The following TTF2 variants were observed in gnomAD, a reference collection of about 807,000 sequenced individuals.
TTF2 encodes the protein transcription termination factor 2.
In TTF2, 108 loss-of-function variants were observed where a neutral mutation model predicts 142.4. That is an observed-to-expected ratio of 0.76 (90% CI 0.65 to 0.89). The LOEUF (loss-of-function observed/expected upper bound fraction) is 0.89, where lower values mean the gene tolerates loss of function less well. Ranked by LOEUF, TTF2 falls within the 40% of genes least tolerant of loss-of-function variation. The pLI is 0.00. For synonymous variants in TTF2, 483 were observed against 506.2 expected, an observed-to-expected ratio of 0.95 and a Z score of 0.61; for missense variants, 1,327 against 1,379.8, an observed-to-expected ratio of 0.96 and a Z score of 0.61.
At position 117,102,555 on chromosome 1, in the gene TTF2, TG is replaced by T. The variant is rs1173178028; in HGVS notation, c.*1033del. On this transcript the variant is annotated 3_prime_UTR_variant, in exon 23 of 23. Transcript: ENST00000369466. ...CATACAGTTTAATATTTGTATCATT[TG>T]GTTCATTGTATCGTTTAGTATTTCT... 1.3e-5 allele frequency: 2 copies of T among 152,254 alleles called. No individual in the cohort carries two copies. Among genetic ancestry groups the T allele is most frequent in the African/African-American group, 2.4e-5 (1 of 41,470 alleles). 9.4% of individuals were successfully genotyped at this position (152,254 alleles called of 1,614,324 possible).
intron 7 of TTF2, 38 bp from the exon 8 acceptor site, chr1:117,077,878 C>T: frequency 1.2e-6 from 2 of 1,611,428 alleles, no homozygotes; most frequent in Non-Finnish European, 1.7e-6. Context: ...AGAAAACATA[C>T]TTGTGACATC....
Position 117,075,272 on chromosome 1 carries a change from A to G in TTF2, c.688A>G (p.Thr230Ala). 6.2e-7 allele frequency: 1 copy of G among 1,614,274 alleles called. No homozygotes were observed. The highest frequency in any genetic ancestry group is 8.5e-7 in the Non-Finnish European group (1 of 1,180,046). ...KSQQCQGNEL[T>A]RPSASSQEKS... ...TCAACAGTGCCAAGGTAATGAGCTTACAAGACCATCTGCATCTTCTCAGGA... is the reference window on the plus strand; with the variant it reads ...TCAACAGTGCCAAGGTAATGAGCTTGCAAGACCATCTGCATCTTCTCAGGA... The change falls in exon 5 of 23, where the codon ACA becomes GCA. Residue 230 changes from threonine to alanine, a missense_variant. By Grantham distance (58) the Thr-to-Ala change is moderately conservative. Transcript: ENST00000369466. The surrounding 1 kb of genome is among the most constrained non-coding windows in gnomAD (Gnocchi z 4.5).
rs773158655 is a variant in TTF2, at chr1:117,073,158, G to A, written c.219-503G>A. On this transcript the variant is annotated intron_variant, in intron 3 of 22. Coordinates refer to ENST00000369466, the MANE Select transcript of TTF2 (RefSeq NM_003594.4). This position sits in a 1 kb window ranked among gnomAD's most constrained non-coding sequence, Gnocchi z 4.4. ...CGTTTCCCACTGCCAAGATTTTGAAGGTTATATTCTCCACAGTATAGTTTT... is the reference window on the plus strand; with the variant it reads ...CGTTTCCCACTGCCAAGATTTTGAAAGTTATATTCTCCACAGTATAGTTTT... Among the ~76,000 whole-genome samples the A allele has an allele frequency of 6.6e-6, 1 of 152,128 alleles. No homozygotes were observed. The highest frequency in any genetic ancestry group is 1.5e-5 in the Non-Finnish European group (1 of 68,020).
intron 10 of TTF2, among the ~76,000 whole-genome samples, chr1:117,083,418 A>C (rs996068396): frequency 6.6e-6 from 1 of 152,136 alleles, no homozygotes; most frequent in Non-Finnish European, 1.5e-5. Context: ...ATTGGTTCCA[A>C]ACCAATGTTT....
intron 15 of TTF2, 45 bp from the exon 16 acceptor site, chr1:117,091,282 TA>T (rs1351997096): frequency 6.5e-7 from 1 of 1,534,272 alleles, no homozygotes. Flanking sequence ...AAGCAGGTCT[TA>T]GTGACCATTA....
At chr1:117,084,766 T>C (rs1557819471) in intron 11 of TTF2, among the ~76,000 whole-genome samples, 1 of 152,188 alleles carries the variant, frequency 6.6e-6, no homozygotes, top group East Asian at 1.9e-4. Flanking sequence ...TGTTTTCTGT[T>C]CTTAATTGCG....
chr1:117,073,174 G>A lies in TTF2; in HGVS notation c.219-487G>A, dbSNP rs763213506. Among the ~76,000 whole-genome samples the A allele has an allele frequency of 8.5e-5, 13 of 152,186 alleles. No homozygotes were observed. The highest frequency in any genetic ancestry group is 1.8e-4 in the Non-Finnish European group (12 of 68,028). On this transcript the variant is annotated intron_variant, in intron 3 of 22. Coordinates refer to ENST00000369466, the MANE Select transcript of TTF2 (RefSeq NM_003594.4). The surrounding 1 kb of genome is among the most constrained non-coding windows in gnomAD (Gnocchi z 4.4). The stretch of plus-strand genomic sequence containing the variant: ...GATTTTGAAGGTTATATTCTCCACA[G>A]TATAGTTTTACGCCTTCTTCTGTTG...
chr1:117,079,576 G>C lies in TTF2; in HGVS notation c.1710G>C (p.Leu570Phe), dbSNP rs763758739. Reference sequence around the variant, plus strand: ...GTTATTACCTTTGTCAGGTCCCTTTGCTACTACACCAGAAGCAGGCATTGG... The same window carrying C: ...GTTATTACCTTTGTCAGGTCCCTTTCCTACTACACCAGAAGCAGGCATTGG... The part of the protein sequence containing the change: ...AEDPAGLKVP[L>F]LLHQKQALAW... The change falls in exon 9 of 23, where the codon TTG becomes TTC. Residue 570 changes from leucine (L) to phenylalanine (F), a missense_variant. Transcript: ENST00000369466. The surrounding 1 kb of genome is among the most constrained non-coding windows in gnomAD (Gnocchi z 4.2). 1 of 1,614,222 alleles carries C rather than the reference G, an allele frequency of 6.2e-7. No individual in the cohort carries two copies. The highest frequency in any genetic ancestry group is 8.5e-7 in the Non-Finnish European group (1 of 1,180,046).
rs997055553 is a variant in TTF2, at chr1:117,103,637, G to C, written c.*2113G>C. The C allele has an allele frequency of 1.3e-5, 2 of 152,178 alleles. No homozygotes were observed. The highest frequency in any genetic ancestry group is 2.9e-5 in the Non-Finnish European group (2 of 68,050). 9.4% of individuals were successfully genotyped at this position (152,178 alleles called of 1,614,324 possible). A position where few individuals can be genotyped will look rare whatever the true frequency, so the allele number is the denominator to read the frequency against. ...GTTTGAGATTTGACTCTAGTTCTAG[G>C]TTCATCTTAGCTGGGTGTGTAACGT... On this transcript the variant is annotated 3_prime_UTR_variant, in exon 23 of 23. Transcript: ENST00000369466.
chr1:117,089,091 G>C, intron 13 of TTF2, 109 bp downstream of exon 13: 1 of 1,182,618 alleles, frequency 8.5e-7, no homozygotes, highest in East Asian at 2.7e-5. Flanking sequence ...TCTTGTTTAG[G>C]AGATGGCAGG....
chr1:117,097,680 C>T lies in TTF2; in HGVS notation c.3269+247C>T, dbSNP rs1319731726. Reference sequence around the variant, plus strand: ...TTCATTCACGTTATTGTTAGTCTAACATCTGTTTCCATGGAAACGGGGAGC... The same window carrying T: ...TTCATTCACGTTATTGTTAGTCTAATATCTGTTTCCATGGAAACGGGGAGC... On this transcript the variant is annotated intron_variant, in intron 21 of 22. Transcript: ENST00000369466. The surrounding 1 kb of genome is among the most constrained non-coding windows in gnomAD (Gnocchi z 4.1). Among the ~76,000 whole-genome samples, 2 of 152,190 alleles carry T rather than the reference C, an allele frequency of 1.3e-5. No homozygotes were observed. The highest frequency in any genetic ancestry group is 2.1e-4 in the South Asian group (1 of 4,828).
At position 117,060,555 on chromosome 1, in the gene TTF2, C is replaced by G. The variant is rs754822746; in HGVS notation, c.129C>G (p.Thr43=). The G allele has an allele frequency of 4.2e-5, 67 of 1,608,940 alleles. No homozygotes were observed. Among genetic ancestry groups the G allele is most frequent in the Non-Finnish European group, 5.2e-5 (61 of 1,177,248 alleles). Residue 43 remains threonine (T), a splice_region_variant and synonymous_variant, in exon 2 of 23, where the codon ACC becomes ACG. Transcript: ENST00000369466. The stretch of plus-strand genomic sequence containing the variant: ...ACACGTGCAGCTTCGTGCGGGCCAC[C>G]GAGTAGGTCTGGAGCTGGGCCCCAC... The part of the protein sequence containing the change: ...RADTCSFVRA[T]DIPVSHCLLH...
rs1008279166 is a variant in TTF2, at chr1:117,103,661, G to A, written c.*2137G>A. 5.3e-5 allele frequency: 8 copies of A among 152,122 alleles called. No homozygotes were observed. The highest frequency in any genetic ancestry group is 1.0e-4 in the Non-Finnish European group (7 of 68,038). The allele number at this position is 152,122 out of a possible 1,614,324, so 9.4% of individuals were successfully genotyped here. The stretch of plus-strand genomic sequence containing the variant: ...GGTTCATCTTAGCTGGGTGTGTAAC[G>A]TTGAAAAAATTGGCCGGGTGCAGTG... On this transcript the variant is annotated 3_prime_UTR_variant, in exon 23 of 23. Coordinates refer to ENST00000369466, the MANE Select transcript of TTF2 (RefSeq NM_003594.4).
In TTF2 at chr1:117,100,178, T is replaced by G. The variant is rs1187335215; in HGVS notation, c.3345-1202T>G. Among the ~76,000 whole-genome samples the G allele has an allele frequency of 1.3e-5, 2 of 152,264 alleles. No individual in the cohort carries two copies. Among genetic ancestry groups the G allele is most frequent in the Non-Finnish European group, 2.9e-5 (2 of 68,042 alleles). ...AAATGTTACAAATAGAAATTGATTTTCTCTTCCTATTATCTCAAATCTGCT... is the reference window on the plus strand; with the variant it reads ...AAATGTTACAAATAGAAATTGATTTGCTCTTCCTATTATCTCAAATCTGCT... On this transcript the variant is annotated intron_variant, in intron 22 of 22. Transcript: ENST00000369466. The surrounding 1 kb of genome is among the most constrained non-coding windows in gnomAD (Gnocchi z 4.6).
intron 10 of TTF2, among the ~76,000 whole-genome samples, chr1:117,083,197 G>A (rs900484620): frequency 1.3e-5 from 2 of 150,126 alleles, no homozygotes; most frequent in African/African-American, 2.5e-5. Flanking sequence ...AGCCGAGATC[G>A]TGCCACTGCA....
Position 117,092,949 on chromosome 1 carries a change from A to T in TTF2, c.2976+48A>T. The T allele has an allele frequency of 6.2e-7, 1 of 1,602,028 alleles. No individual in the cohort carries two copies. Among genetic ancestry groups the T allele is most frequent in the Non-Finnish European group, 8.5e-7 (1 of 1,172,270 alleles). On this transcript the variant is annotated intron_variant, in intron 18 of 22. Transcript: ENST00000369466. The surrounding 1 kb of genome is among the most constrained non-coding windows in gnomAD (Gnocchi z 4.4). ...TAGTCGAGAGACTTCGATTCCTCAC[A>T]CATTTTCCTGTGTGACAGCACTTCA...
chr1:117,082,980 C>T (rs996699192), intron 10 of TTF2, among the ~76,000 whole-genome samples: 3 of 152,122 alleles, frequency 2.0e-5, no homozygotes, highest in Non-Finnish European at 2.9e-5. Flanking sequence ...TGGTGGCTCA[C>T]GCCTGTAATC....
chr1:117,069,291 A>T (rs188204163), intron 3 of TTF2, among the ~76,000 whole-genome samples: 1 of 152,358 alleles, frequency 6.6e-6, no homozygotes, highest in East Asian at 1.9e-4. Flanking sequence ...TCCTCTGCAC[A>T]TTAGAGCGCT....
intron 3 of TTF2, among the ~76,000 whole-genome samples, chr1:117,064,973 A>G (rs1054575610): frequency 1.3e-5 from 2 of 152,080 alleles, no homozygotes; most frequent in Non-Finnish European, 1.5e-5. Context: ...CATGTTTTGA[A>G]GATTTTCCTT....
Sources: allele counts gnomAD v4.1 joint callset (sites outside exome capture counted in the v4.1 genomes callset), GRCh38; gene constraint gnomAD v4.1.1; non-coding constraint Gnocchi (gnomAD v3.1); transcripts MANE v1.5; gene names NCBI Gene and HGNC (gene_info 2026-07-23, HGNC 2026-07-21).